Variants in TIAM1 observed in about 807,000 individuals in gnomAD.
TIAM1 encodes rho guanine nucleotide exchange factor TIAM1.
A neutral mutation model predicts 163.5 loss-of-function variants in TIAM1; 65 were observed. The ratio of observed to expected loss-of-function variants is 0.40; its 90% CI spans 0.33 to 0.49. TIAM1 has a LOEUF of 0.49. Among genes scored for constraint, TIAM1 ranks in the 20% least tolerant of loss-of-function variants. The pLI is 0.77. For synonymous variants in TIAM1, 833 were observed against 810.1 expected, an observed-to-expected ratio of 1.03 and a Z score of -0.48; for missense variants, 1,789 against 2,044.7, an observed-to-expected ratio of 0.87 and a Z score of 2.41.
intron 11 of TIAM1, among the ~76,000 whole-genome samples, chr21:31,205,682 T>C (rs2146534181): frequency 6.6e-6 from 1 of 152,362 alleles, no homozygotes; most frequent in East Asian, 1.9e-4. Flanking sequence ...AGAATGATTC[T>C]TGGCTGGGCA....
At chr21:31,369,038 G>GACCATCCTAGCTA (rs71318266) in intron 2 of TIAM1, among the ~76,000 whole-genome samples, 6,491 of 151,736 alleles carry the variant, frequency 0.043, 322 homozygotes, top group African/African-American at 0.12. Context: ...GGGAGATAGA[G>GACCATCCTAGCTA]ACATGGTGAA....
At chr21:31,126,998 AAGACAC>A in intron 26 of TIAM1, 61 bp downstream of exon 26, 1 of 1,502,502 alleles carries the variant, frequency 6.7e-7, no homozygotes, top group Non-Finnish European at 9.3e-7. Context: ...AACACAACGT[AAGACAC>A]CAAACCGTTC....
chr21:31,352,779 G>A (rs772760669), intron 2 of TIAM1, among the ~76,000 whole-genome samples: 9 of 151,678 alleles, frequency 5.9e-5, no homozygotes, highest in Non-Finnish European at 7.4e-5. Context: ...GGTGGCTGAG[G>A]CACAAGAATA....
intron 1 of TIAM1, among the ~76,000 whole-genome samples, chr21:31,534,631 G>A (rs1477092611): frequency 6.6e-6 from 1 of 152,072 alleles, no homozygotes; most frequent in Non-Finnish European, 1.5e-5. Flanking sequence ...TCGAGATCAC[G>A]CCATTGTACT....
At chr21:31,204,967 G>T (rs1175594621) in intron 11 of TIAM1, among the ~76,000 whole-genome samples, 2 of 152,150 alleles carry the variant, frequency 1.3e-5, no homozygotes, top group East Asian at 3.8e-4. Context: ...CCTGGCTTTT[G>T]TCCTTTCACT....
chr21:31,135,647 A>T (rs974736367), intron 23 of TIAM1, among the ~76,000 whole-genome samples: 5 of 139,078 alleles, frequency 3.6e-5, no homozygotes, highest in Admixed American at 3.4e-4. Context: ...GCAGAGCAGC[A>T]GCCAAAAAAA....
At chr21:31,487,537 A>AT (rs552146138) in intron 1 of TIAM1, among the ~76,000 whole-genome samples, 3,317 of 123,980 alleles carry the variant, frequency 0.027, 240 homozygotes, top group African/African-American at 0.098. Flanking sequence ...TGCCCAGCTA[A>AT]TTTTTTTTTT....
chr21:31,545,342 C>A (rs1357522872), intron 1 of TIAM1, among the ~76,000 whole-genome samples: 1 of 152,206 alleles, frequency 6.6e-6, no homozygotes, highest in African/African-American at 2.4e-5. Flanking sequence ...GCCCTGTTGA[C>A]ACCTTGATTA....
At chr21:31,397,143 T>C (rs1034701536) in intron 2 of TIAM1, among the ~76,000 whole-genome samples, 2 of 152,204 alleles carry the variant, frequency 1.3e-5, no homozygotes, top group Non-Finnish European at 2.9e-5. Context: ...TCTTTAGATG[T>C]AACATCAAAG....
chr21:31,406,415 T>C (rs1241316348), intron 2 of TIAM1, among the ~76,000 whole-genome samples: 2 of 152,132 alleles, frequency 1.3e-5, no homozygotes, highest in East Asian at 1.9e-4. Context: ...ACTTTCTCTA[T>C]AAAATGGAGA....
At chr21:31,296,940 G>A (rs1158425421) in intron 2 of TIAM1, among the ~76,000 whole-genome samples, 5 of 152,084 alleles carry the variant, frequency 3.3e-5, no homozygotes, top group Non-Finnish European at 7.4e-5. Context: ...TGGGATTACG[G>A]GCATGAGCCA....
chr21:31,454,426 A>C (rs191093121), intron 2 of TIAM1, among the ~76,000 whole-genome samples: 2 of 152,328 alleles, frequency 1.3e-5, no homozygotes, highest in East Asian at 3.9e-4. Flanking sequence ...TATGTAAAAA[A>C]CAAAAACTTT....
chr21:31,170,778 C>A (rs1375071125), intron 15 of TIAM1, among the ~76,000 whole-genome samples: 1 of 152,002 alleles, frequency 6.6e-6, no homozygotes, highest in African/African-American at 2.4e-5. Context: ...TGGCTCACAC[C>A]TGTAATCCCA....
rs200146257 is a variant in TIAM1, at chr21:31,251,727, C to T, written c.1411+15G>A. ...TGGTGCATTTGGCACATAGCCGGGG[C>T]CCTCCCGCTCTCACCTTTCAGGGAC... On this transcript the variant is annotated intron_variant, in intron 5 of 27. Transcript: ENST00000541036. 1.3e-6 allele frequency: 2 copies of T among 1,560,104 alleles called. No homozygotes were observed. Among genetic ancestry groups the T allele is most frequent in the African/African-American group, 2.7e-5 (2 of 74,024 alleles).
intron 12 of TIAM1, among the ~76,000 whole-genome samples, chr21:31,197,229 G>A (rs1487545888): frequency 6.6e-6 from 1 of 151,950 alleles, no homozygotes; most frequent in Non-Finnish European, 1.5e-5. Context: ...TGTGCCCCTT[G>A]AATCTAAAAT....
chr21:31,489,769 C>T (rs1006654557), intron 1 of TIAM1, among the ~76,000 whole-genome samples: 5 of 152,128 alleles, frequency 3.3e-5, no homozygotes, highest in Non-Finnish European at 7.4e-5. Flanking sequence ...GCAGACAGTC[C>T]CCAGAGGGAG....
chr21:31,334,938 G>A (rs1006235248), intron 2 of TIAM1, among the ~76,000 whole-genome samples: 1 of 152,000 alleles, frequency 6.6e-6, no homozygotes, highest in African/African-American at 2.4e-5. Flanking sequence ...GCAACCACCC[G>A]ACCCCCAACC....
At chr21:31,277,356 G>A (rs928067567) in intron 2 of TIAM1, among the ~76,000 whole-genome samples, 3 of 152,204 alleles carry the variant, frequency 2.0e-5, no homozygotes, top group Admixed American at 1.3e-4. Flanking sequence ...CTAGAAAGGG[G>A]AGGCATGGGC....
chr21:31,450,365 C>T (rs554167474), intron 2 of TIAM1, among the ~76,000 whole-genome samples: 5 of 152,290 alleles, frequency 3.3e-5, no homozygotes, highest in East Asian at 1.9e-4. Flanking sequence ...TGCTTATTAA[C>T]GGTGCCAGCT....
Sources: allele counts gnomAD v4.1 joint callset (sites outside exome capture counted in the v4.1 genomes callset), GRCh38; gene constraint gnomAD v4.1.1; transcripts MANE v1.5; gene names NCBI Gene and HGNC (gene_info 2026-07-23, HGNC 2026-07-21).